Variants in ABCF2 observed in about 807,000 individuals in gnomAD.
ABCF2 encodes the protein ATP-binding cassette sub-family F member 2.
In ABCF2, 37 loss-of-function variants were observed where a neutral mutation model predicts 76.9. The observed-to-expected ratio is 0.48, with a 90% CI of 0.37 to 0.63. The LOEUF (loss-of-function observed/expected upper bound fraction) is 0.63. Ranked by LOEUF, ABCF2 falls within the 30% of genes least tolerant of loss-of-function variation. The probability of loss-of-function intolerance (pLI) is 0.00; values close to 1 mark genes in which losing one functional copy is unlikely to be tolerated. For synonymous variants in ABCF2, 299 were observed against 283.7 expected (o/e 1.05, Z -0.54); for missense variants, 524 against 782.1 (o/e 0.67, Z 3.94).
In ABCF2 at chr7:151,223,921, T is replaced by C. The variant is rs371427087; in HGVS notation, c.550+11A>G. 29 of 1,611,840 alleles carry C rather than the reference T, an allele frequency of 1.8e-5. 1 individual carries two copies. The highest frequency in any genetic ancestry group is 2.3e-5 in the Non-Finnish European group (27 of 1,178,466). ...GGACGCCCACCCCTATGCCCAGGTC[T>C]GGAGCCCTACCATCCTCATGAGCCA... On this transcript the variant is annotated intron_variant, in intron 4 of 14. Coordinates refer to ENST00000287844, the MANE Select transcript of ABCF2 (RefSeq NM_007189.3).
At chr7:151,224,684 T>G in intron 3 of ABCF2, 92 bp downstream of exon 3, 5 of 1,234,710 alleles carry the variant, frequency 4.0e-6, no homozygotes, top group African/African-American at 1.5e-5. Flanking sequence ...TCTAAATGCT[T>G]TGCTCTGAAC....
chr7:151,213,218 T>A lies in ABCF2; in HGVS notation c.*836A>T. On this transcript the variant is annotated 3_prime_UTR_variant, in exon 15 of 15. Transcript: ENST00000287844. ...AACTTGCTAGAAATGTTAACGTTCT[T>A]GGTCTCCCCCAAAACCTATTGAACC... 1.0e-6 allele frequency: 1 copy of A among 981,272 alleles called. No homozygotes were observed. Among genetic ancestry groups the A allele is most frequent in the Non-Finnish European group, 1.2e-6 (1 of 826,172 alleles). The allele number at this position is 981,272 out of a possible 1,614,324, so 60.8% of individuals were successfully genotyped here. A position where few individuals can be genotyped will look rare whatever the true frequency, so the allele number is the denominator to read the frequency against.
chr7:151,214,813 G>C lies in ABCF2; in HGVS notation c.1734+66C>G. The stretch of plus-strand genomic sequence containing the variant: ...GGCGGGTATTATGCACCCTCCACAT[G>C]CCATGACTACCCTACCCAACCCCCT... On this transcript the variant is annotated intron_variant, in intron 14 of 14. Coordinates refer to ENST00000287844, the MANE Select transcript of ABCF2 (RefSeq NM_007189.3). The surrounding 1 kb of genome is among the most constrained non-coding windows in gnomAD (Gnocchi z 4.9). The C allele has an allele frequency of 6.7e-7, 1 of 1,501,958 alleles. No homozygotes were observed. The highest frequency in any genetic ancestry group is 1.4e-5 in the African/African-American group (1 of 72,682). 93.0% of individuals were successfully genotyped at this position (1,501,958 alleles called of 1,614,324 possible).
At position 151,211,812 on chromosome 7, in the gene ABCF2, C is replaced by A. The variant is rs1316233481; in HGVS notation, c.*2242G>T. ...ATTTTGCTCCAGGCCCCACTTAAGG[C>A]ATAAAGCAGTCAAGCCAGTACCCTC... On this transcript the variant is annotated 3_prime_UTR_variant, in exon 15 of 15. Transcript: ENST00000287844. 3.0e-6 allele frequency: 3 copies of A among 985,326 alleles called. No individual in the cohort carries two copies. Among genetic ancestry groups the A allele is most frequent in the Non-Finnish European group, 3.6e-6 (3 of 829,952 alleles). 61.0% of individuals were successfully genotyped at this position (985,326 alleles called of 1,614,324 possible). A position where few individuals can be genotyped will look rare whatever the true frequency, so the allele number is the denominator to read the frequency against.
chr7:151,213,133 C>T lies in ABCF2; in HGVS notation c.*921G>A, dbSNP rs965080596. 1.4e-5 allele frequency: 14 copies of T among 985,228 alleles called. No individual in the cohort carries two copies. Among genetic ancestry groups the T allele is most frequent in the African/African-American group, 7.0e-5 (4 of 57,192 alleles). The allele number at this position is 985,228 out of a possible 1,614,324, so 61.0% of individuals were successfully genotyped here. A position where few individuals can be genotyped will look rare whatever the true frequency, so the allele number is the denominator to read the frequency against. On this transcript the variant is annotated 3_prime_UTR_variant, in exon 15 of 15. Coordinates refer to ENST00000287844, the MANE Select transcript of ABCF2 (RefSeq NM_007189.3). ...ACCTCAGATCACAATCAGAAAACCA[C>T]GCTCCTGGACAGTGGTTCTCAAAAT... is the stretch of plus-strand genomic sequence containing the variant.
chr7:151,213,411 G>C lies in ABCF2; in HGVS notation c.*643C>G, dbSNP rs1439838893. The C allele has an allele frequency of 1.0e-6, 1 of 985,400 alleles. No individual in the cohort carries two copies. Among genetic ancestry groups the C allele is most frequent in the African/African-American group, 1.7e-5 (1 of 57,330 alleles). The allele number at this position is 985,400 out of a possible 1,614,324, so 61.0% of individuals were successfully genotyped here. A position where few individuals can be genotyped will look rare whatever the true frequency, so the allele number is the denominator to read the frequency against. ...TATGGACTAGTCTTCAGTTCCCATC[G>C]ACACACTGACGCTGGATCCAGCTCC... On this transcript the variant is annotated 3_prime_UTR_variant, in exon 15 of 15. Coordinates refer to ENST00000287844, the MANE Select transcript of ABCF2 (RefSeq NM_007189.3).
In ABCF2 at chr7:151,212,962, C is replaced by T. The variant is rs1024987421; in HGVS notation, c.*1092G>A. 3.4e-6 allele frequency: 2 copies of T among 594,900 alleles called. No homozygotes were observed. The highest frequency in any genetic ancestry group is 2.0e-5 in the African/African-American group (1 of 49,414). The allele number at this position is 594,900 out of a possible 1,614,324, so 36.9% of individuals were successfully genotyped here. On this transcript the variant is annotated 3_prime_UTR_variant, in exon 15 of 15. Coordinates refer to ENST00000287844, the MANE Select transcript of ABCF2 (RefSeq NM_007189.3). ...TCCAGGCACATAAAGACGGGTTTTG[C>T]CATGTTTCCCAAGCTGGTCTTGAAC...
chr7:151,226,577 A>G, intron 1 of ABCF2, 77 bp from the exon 2 acceptor site: 3 of 1,110,094 alleles, frequency 2.7e-6, no homozygotes, highest in Non-Finnish European at 3.8e-6. Context: ...CATCCCTCTC[A>G]GGAATCTTCG....
At chr7:151,225,418 C>T (rs1001251641) in intron 2 of ABCF2, among the ~76,000 whole-genome samples, 3 of 151,860 alleles carry the variant, frequency 2.0e-5, no homozygotes, top group Admixed American at 6.6e-5. Context: ...AAAGATGAAA[C>T]AATTTAGACA....
At position 151,226,454 on chromosome 7, in the gene ABCF2, G is replaced by C. The variant is rs750052597; in HGVS notation, c.5C>G (p.Pro2Arg). M[P>R]SDLAKKKAAK... ...TGCCTTCTTCTTGGCCAGGTCGGAG[G>C]GCATGATGATGACCCACAGGGGTAG... is the stretch of plus-strand genomic sequence containing the variant. Residue 2 changes from proline to arginine, a missense_variant, in exon 2 of 15, where the codon CCC becomes CGC. Transcript: ENST00000287844. 2 of 1,613,578 alleles carry C rather than the reference G, an allele frequency of 1.2e-6. No individual in the cohort carries two copies. Among genetic ancestry groups the C allele is most frequent in the Non-Finnish European group, 1.7e-6 (2 of 1,179,888 alleles).
intron 6 of ABCF2, 102 bp from the exon 7 acceptor site, chr7:151,221,782 T>C (rs1802273320): frequency 2.4e-6 from 2 of 834,058 alleles, no homozygotes; most frequent in Admixed American, 3.8e-5. Context: ...AAGCACCTTT[T>C]AGATGTGTTG....
At chr7:151,226,270 G>C (rs1802370513) in intron 2 of ABCF2, 35 bp downstream of exon 2, 1 of 1,604,524 alleles carries the variant, frequency 6.2e-7, no homozygotes, top group East Asian at 2.2e-5. Flanking sequence ...TTAAGTCTTA[G>C]CAACCATCCC....
Position 151,213,206 on chromosome 7 carries a change from T to C in ABCF2, c.*848A>G. 2.0e-5 allele frequency: 20 copies of C among 983,312 alleles called. No homozygotes were observed. The highest frequency in any genetic ancestry group is 2.3e-5 in the Non-Finnish European group (19 of 828,052). The allele number at this position is 983,312 out of a possible 1,614,324, so 60.9% of individuals were successfully genotyped here. On this transcript the variant is annotated 3_prime_UTR_variant, in exon 15 of 15. Transcript: ENST00000287844. ...GCATCACCTGGAAACTTGCTAGAAA[T>C]GTTAACGTTCTTGGTCTCCCCCAAA...
chr7:151,221,748 A>G, intron 6 of ABCF2, 68 bp from the exon 7 acceptor site: 1 of 1,198,974 alleles, frequency 8.3e-7, no homozygotes, highest in Non-Finnish European at 1.2e-6. Flanking sequence ...AGGTGAACTG[A>G]AAGTCAGGCC....
Position 151,224,987 on chromosome 7 carries a change from T to C in ABCF2, c.156A>G (p.Glu52=), listed in dbSNP as rs765663443. 1.9e-6 allele frequency: 3 copies of C among 1,613,894 alleles called. No individual in the cohort carries two copies. Among genetic ancestry groups the C allele is most frequent in the Non-Finnish European group, 8.5e-7 (1 of 1,180,018 alleles). ...KNEANGRETT[E]VDLLTKELED... The stretch of plus-strand genomic sequence containing the variant: ...CTAGCTCCTTGGTCAGCAAATCTAC[T>C]TCTGCGGATAGAAAAGCAGTTTGGG... The change falls in exon 3 of 15, where the codon GAA becomes GAG. Residue 52 remains glutamate (E), a splice_region_variant and synonymous_variant. Transcript: ENST00000287844.
Position 151,223,695 on chromosome 7 carries a change from C to T in ABCF2, c.705G>A (p.Met235Ile). ...GGACTCACCTGGCAAGGGCAACCCT[C>T]ATCCTCCAGCCCCCACTGAAGTCTT... ...KLKDFSGGWR[M>I]RVALARALFI... Residue 235 changes from methionine (M) to isoleucine (I), a missense_variant, in exon 5 of 15, where the codon ATG (methionine) becomes ATA (isoleucine). This residue lies in a region of ABCF2 where 330 missense variants were observed against 433.6 expected (regional missense o/e 0.76). Transcript: ENST00000287844. 1 of 1,603,004 alleles carries T rather than the reference C, an allele frequency of 6.2e-7. No homozygotes were observed. The highest frequency in any genetic ancestry group is 8.5e-7 in the Non-Finnish European group (1 of 1,172,284).
Position 151,215,528 on chromosome 7 carries a change from A to C in ABCF2, c.1530+76T>G. 1 of 1,578,654 alleles carries C rather than the reference A, an allele frequency of 6.3e-7. No individual in the cohort carries two copies. The highest frequency in any genetic ancestry group is 1.1e-5 in the South Asian group (1 of 87,514). On this transcript the variant is annotated intron_variant, in intron 13 of 14. Transcript: ENST00000287844. This position sits in a 1 kb window ranked among gnomAD's most constrained non-coding sequence, Gnocchi z 4.6. ...GGACAGCTTCCAAACCCAGGCTGCC[A>C]GGACAGTATCCCCTGACCCACCCAG...
intron 11 of ABCF2, 46 bp from the exon 12 acceptor site, chr7:151,216,075 C>T (rs766613783): frequency 6.5e-7 from 1 of 1,538,572 alleles, no homozygotes; most frequent in South Asian, 1.1e-5. Flanking sequence ...AAAGGAAGCC[C>T]AGTTAGAAAC....
Position 151,223,839 on chromosome 7 carries a change from C to A in ABCF2, c.561G>T (p.Glu187Asp), listed in dbSNP as rs1353494019. The change falls in exon 5 of 15, where the codon GAG (glutamate) becomes GAT (aspartate). Residue 187 changes from glutamate to aspartate, a missense_variant. Glu to Asp is a conservative substitution (Grantham distance 45, BLOSUM62 2). Coordinates refer to ENST00000287844, the MANE Select transcript of ABCF2 (RefSeq NM_007189.3). ...GGCGCTCGTAGAGCTCCATGAGCTTCTCACACTCCGCTGTGGACAGTGTAT... is the reference window on the plus strand; with the variant it reads ...GGCGCTCGTAGAGCTCCATGAGCTTATCACACTCCGCTGTGGACAGTGTAT... ...ERLAHEDAEC[E>D]KLMELYERLE... 1.9e-6 allele frequency: 3 copies of A among 1,613,052 alleles called. No individual in the cohort carries two copies. Among genetic ancestry groups the A allele is most frequent in the Non-Finnish European group, 2.5e-6 (3 of 1,179,436 alleles).
Sources: allele counts gnomAD v4.1 joint callset (sites outside exome capture counted in the v4.1 genomes callset), GRCh38; gene constraint gnomAD v4.1.1; regional missense constraint gnomAD v4.1.1; non-coding constraint Gnocchi (gnomAD v3.1); transcripts MANE v1.5; gene names NCBI Gene and HGNC (gene_info 2026-07-23, HGNC 2026-07-21).